The following ARHGEF4 variants were observed in gnomAD, a reference collection of about 807,000 sequenced individuals.
ARHGEF4 encodes the protein APC-stimulated guanine nucleotide exchange factor 1.
ARHGEF4 carries 119 observed loss-of-function variants against 162.0 expected under a neutral mutation model. The observed-to-expected ratio is 0.73, with a 90% CI of 0.63 to 0.86. The LOEUF (loss-of-function observed/expected upper bound fraction) is 0.86. Among genes scored for constraint, ARHGEF4 ranks in the 40% least tolerant of loss-of-function variants. The pLI is 0.00. For missense variants in ARHGEF4, 2,488 were observed against 2,456.0 expected, an observed-to-expected ratio of 1.01 and a Z score of -0.28; for synonymous variants, 1,014 against 979.9, an observed-to-expected ratio of 1.03 and a Z score of -0.65.
At chr2:130,911,014 T>A (rs1338679604) in intron 1 of ARHGEF4, among the ~76,000 whole-genome samples, 2 of 152,148 alleles carry the variant, frequency 1.3e-5, no homozygotes, top group East Asian at 1.9e-4. Context: ...AGTGTGCATA[T>A]TAAATGTAAA....
At chr2:130,951,053 C>G (rs1007407262) in intron 4 of ARHGEF4, among the ~76,000 whole-genome samples, 16 of 152,238 alleles carry the variant, frequency 1.1e-4, no homozygotes, top group Non-Finnish European at 2.4e-4. Context: ...CCTCACTTCT[C>G]TCAGCCTTCA....
At chr2:130,881,183 A>G (rs1323045439) in intron 1 of ARHGEF4, among the ~76,000 whole-genome samples, 1 of 152,002 alleles carries the variant, frequency 6.6e-6, no homozygotes, top group Non-Finnish European at 1.5e-5. Flanking sequence ...GTGCACCACC[A>G]TGCCTGGCTA....
intron 12 of ARHGEF4, 95 bp downstream of exon 12, chr2:131,044,637 C>A (rs950949682): frequency 1.4e-6 from 2 of 1,464,194 alleles, no homozygotes; most frequent in African/African-American, 1.4e-5. Flanking sequence ...GCCGCTCAGC[C>A]CTCTCAGGTT....
At chr2:130,859,235 A>G (rs1481382032) in intron 1 of ARHGEF4, among the ~76,000 whole-genome samples, 2 of 9,620 alleles carry the variant, frequency 2.1e-4, no homozygotes, top group African/African-American at 4.7e-4. Context: ...TACTAAAAAT[A>G]CAAAAATTAG....
intron 4 of ARHGEF4, among the ~76,000 whole-genome samples, chr2:131,025,474 C>G (rs1689419006): frequency 6.6e-6 from 1 of 152,186 alleles, no homozygotes; most frequent in African/African-American, 2.4e-5. Flanking sequence ...GATGTTGGCT[C>G]TGCCAGGCCT....
chr2:130,959,141 C>T (rs1195975782), intron 4 of ARHGEF4, among the ~76,000 whole-genome samples: 1 of 151,980 alleles, frequency 6.6e-6, no homozygotes, highest in Non-Finnish European at 1.5e-5. Context: ...GGGGTTTCTC[C>T]ATGTTGGCCA....
At chr2:130,984,366 G>A (rs1351424141) in intron 4 of ARHGEF4, among the ~76,000 whole-genome samples, 1 of 152,108 alleles carries the variant, frequency 6.6e-6, no homozygotes, top group Non-Finnish European at 1.5e-5. Context: ...CATTCCAAAC[G>A]ATATTGTGGC....
intron 4 of ARHGEF4, among the ~76,000 whole-genome samples, chr2:130,953,446 A>G (rs1246797680): frequency 6.6e-6 from 1 of 152,226 alleles, no homozygotes; most frequent in African/African-American, 2.4e-5. Context: ...CTAAAATCGT[A>G]AAAGCCCTAG....
At chr2:131,002,016 G>A (rs999620194) in intron 4 of ARHGEF4, among the ~76,000 whole-genome samples, 5 of 152,200 alleles carry the variant, frequency 3.3e-5, no homozygotes, top group South Asian at 4.1e-4. Flanking sequence ...GGATGGCTAC[G>A]TCGGAATACT....
intron 10 of ARHGEF4, among the ~76,000 whole-genome samples, chr2:131,042,514 C>T (rs1233853225): frequency 6.6e-6 from 1 of 152,186 alleles, no homozygotes; most frequent in East Asian, 1.9e-4. Context: ...GCTCCCTACC[C>T]ACATGGGTGC....
At chr2:130,958,552 G>C (rs1684437803) in intron 4 of ARHGEF4, among the ~76,000 whole-genome samples, 2 of 151,980 alleles carry the variant, frequency 1.3e-5, no homozygotes, top group Non-Finnish European at 2.9e-5. Context: ...TGGGATTACA[G>C]GTGTGTGCCA....
chr2:131,037,005 C>T (rs1056371970), intron 5 of ARHGEF4, among the ~76,000 whole-genome samples: 4 of 152,166 alleles, frequency 2.6e-5, no homozygotes, highest in African/African-American at 9.6e-5. Flanking sequence ...AGCAGCAGCT[C>T]ATGATCTGGA....
At chr2:130,904,974 G>A (rs1680729782) in intron 1 of ARHGEF4, among the ~76,000 whole-genome samples, 1 of 152,238 alleles carries the variant, frequency 6.6e-6, no homozygotes, top group Non-Finnish European at 1.5e-5. Context: ...AGCTATTGGG[G>A]AGGCTGAGGC....
chr2:130,890,263 A>T (rs1487472529), intron 1 of ARHGEF4, among the ~76,000 whole-genome samples: 1 of 152,118 alleles, frequency 6.6e-6, no homozygotes, highest in Non-Finnish European at 1.5e-5. Flanking sequence ...CTTCTCTTAC[A>T]CAATTTTCAT....
intron 1 of ARHGEF4, among the ~76,000 whole-genome samples, chr2:130,889,404 G>C (rs1679722161): frequency 6.6e-6 from 1 of 151,946 alleles, no homozygotes; most frequent in Non-Finnish European, 1.5e-5. Flanking sequence ...TGCTTCCCTT[G>C]CTATTCATTC....
chr2:130,986,869 T>A (rs1558809899), intron 4 of ARHGEF4, among the ~76,000 whole-genome samples: 3 of 152,238 alleles, frequency 2.0e-5, no homozygotes, highest in Admixed American at 2.0e-4. Context: ...GCTCTGAAGC[T>A]GCCTAGGCCC....
intron 1 of ARHGEF4, among the ~76,000 whole-genome samples, chr2:130,862,549 G>A (rs1682014769): frequency 4.3e-5 from 1 of 23,464 alleles, no homozygotes; most frequent in Non-Finnish European, 6.6e-5. Flanking sequence ...TTAGATACAA[G>A]AAAAGCAGAA....
rs531171539 is a variant in ARHGEF4 at position 130,848,422 on chromosome 2, C to T, written c.39+11430C>T. 2.0e-5 allele frequency among the ~76,000 whole-genome samples: 3 copies of T among 152,354 alleles called. No individual in the cohort carries two copies. The South Asian group carries it at 6.2e-4, about 32-fold the overall frequency. On this transcript the variant is annotated intron_variant, in intron 1 of 13. Transcript: ENST00000409359. ...TCAGGCCATGAGCAAGACATACATGCAGGCCCTGGACAGGGGCTTCCGAGC... is the reference window on the plus strand; with the variant it reads ...TCAGGCCATGAGCAAGACATACATGTAGGCCCTGGACAGGGGCTTCCGAGC...
At chr2:130,853,475 T>C (rs4850301) in intron 1 of ARHGEF4, among the ~76,000 whole-genome samples, 30,107 of 152,146 alleles carry the variant, frequency 0.2, 3,486 homozygotes, top group African/African-American at 0.3. Context: ...TGTGCTACTC[T>C]GCAAAGCACA....
Sources: allele counts gnomAD v4.1 joint callset (sites outside exome capture counted in the v4.1 genomes callset), GRCh38; gene constraint gnomAD v4.1.1; transcripts MANE v1.5; gene names NCBI Gene and HGNC (gene_info 2026-07-23, HGNC 2026-07-21).